Variants in PTPRG observed in about 807,000 individuals in gnomAD.
PTPRG encodes the protein protein tyrosine phosphatase receptor type G, also known as receptor-type tyrosine-protein phosphatase gamma.
In PTPRG, 102 loss-of-function variants were observed where a neutral mutation model predicts 165.3. That is an observed-to-expected ratio of 0.62 (90% confidence interval 0.53 to 0.73). The LOEUF is 0.73. PTPRG is among the 30% of genes least tolerant of loss of function. The probability of loss-of-function intolerance (pLI) is 0.00; values close to 1 mark genes in which losing one functional copy is unlikely to be tolerated. For synonymous variants in PTPRG, 675 were observed against 669.5 expected (o/e 1.01, Z -0.13); for missense variants, 1,866 against 1,861.4 (o/e 1.00, Z -0.05).
At chr3:61,682,272 A>C (rs1395667405) in intron 1 of PTPRG, among the ~76,000 whole-genome samples, 1 of 152,118 alleles carries the variant, frequency 6.6e-6, no homozygotes, top group Non-Finnish European at 1.5e-5. Flanking sequence ...GAATTTGATA[A>C]TTCTACTATG....
rs139161991 is a variant in PTPRG, at chr3:61,995,543, A to T, written c.370+5739A>T. 1.7e-3 allele frequency among the ~76,000 whole-genome samples: 253 copies of T among 152,104 alleles called. 2 individuals carry two copies. The highest frequency in any genetic ancestry group is 5.9e-3 in the African/African-American group (245 of 41,504). The stretch of plus-strand genomic sequence containing the variant: ...GCCTTTAGTAATCAAGAGATTGGTT[A>T]GGAAGTTTCTAGGAAAAGTGTGTTT... On this transcript the variant is annotated intron_variant, in intron 3 of 29. Transcript: ENST00000474889.
intron 1 of PTPRG, among the ~76,000 whole-genome samples, chr3:61,575,547 A>G (rs1298017604): frequency 6.6e-6 from 1 of 151,086 alleles, no homozygotes; most frequent in African/African-American, 2.4e-5. Context: ...CCTTGTGAAT[A>G]TTAAATGAGA....
chr3:61,673,696 C>T (rs374413591), intron 1 of PTPRG, among the ~76,000 whole-genome samples: 52 of 152,150 alleles, frequency 3.4e-4, no homozygotes, highest in African/African-American at 1.2e-3. Context: ...ATCCACCACC[C>T]GAGTAATGTA....
chr3:61,576,126 T>G (rs1168891282), intron 1 of PTPRG, among the ~76,000 whole-genome samples: 1 of 152,198 alleles, frequency 6.6e-6, no homozygotes, highest in Non-Finnish European at 1.5e-5. Context: ...TGTCATGCTT[T>G]CTTCTGTGCA....
intron 1 of PTPRG, among the ~76,000 whole-genome samples, chr3:61,589,644 A>G (rs140950141): frequency 1.3e-5 from 2 of 152,246 alleles, no homozygotes; most frequent in East Asian, 1.9e-4. Context: ...GGGTGTCAGT[A>G]TGCGTAGCTC....
intron 2 of PTPRG, among the ~76,000 whole-genome samples, chr3:61,836,943 C>G (rs910142896): frequency 1.3e-5 from 2 of 148,928 alleles, no homozygotes; most frequent in Admixed American, 1.3e-4. Flanking sequence ...TGGAGTCTTG[C>G]TCAGTCGCCC....
intron 1 of PTPRG, among the ~76,000 whole-genome samples, chr3:61,705,544 C>T (rs990712602): frequency 1.4e-4 from 21 of 152,018 alleles, no homozygotes; most frequent in Non-Finnish European, 2.1e-4. Context: ...TCGCCATCAC[C>T]GCATCAAAGA....
intron 2 of PTPRG, among the ~76,000 whole-genome samples, chr3:61,921,251 T>C (rs2039072277): frequency 1.3e-5 from 2 of 152,166 alleles, no homozygotes; most frequent in African/African-American, 4.8e-5. Flanking sequence ...TAATTTAATA[T>C]TTAAGATATT....
chr3:62,175,255 C>T (rs2106756522), intron 8 of PTPRG, among the ~76,000 whole-genome samples: 1 of 152,248 alleles, frequency 6.6e-6, no homozygotes, highest in Non-Finnish European at 1.5e-5. Flanking sequence ...ATATGTCAGA[C>T]ATTTTTTCTA....
intron 6 of PTPRG, among the ~76,000 whole-genome samples, chr3:62,142,984 G>A (rs1469409005): frequency 2.0e-5 from 3 of 152,128 alleles, no homozygotes; most frequent in East Asian, 1.9e-4. Flanking sequence ...TTGCCCCAGC[G>A]TCACATCATG....
At chr3:62,086,268 T>C (rs1321996584) in intron 5 of PTPRG, among the ~76,000 whole-genome samples, 1 of 143,898 alleles carries the variant, frequency 6.9e-6, no homozygotes, top group East Asian at 2.0e-4. Context: ...TCTATCGTGT[T>C]ATGGTTTTAA....
intron 1 of PTPRG, among the ~76,000 whole-genome samples, chr3:61,620,224 A>G (rs1251287235): frequency 1.3e-5 from 2 of 152,088 alleles, no homozygotes; most frequent in Middle Eastern, 3.2e-3. Flanking sequence ...GTTCATTTAC[A>G]TTTTGTAGCT....
intron 2 of PTPRG, among the ~76,000 whole-genome samples, chr3:61,869,747 TTTTTGTTTTGTTTTG>T (rs552364668): frequency 1.5e-4 from 22 of 151,176 alleles, no homozygotes; most frequent in Non-Finnish European, 2.8e-4. Flanking sequence ...CCTGGCTAAT[TTTTTGTTTTGTTTTG>T]TTTTGTTTTG....
At chr3:61,953,861 TTTCTGCTGCTGTACA>T (rs1328641419) in intron 2 of PTPRG, among the ~76,000 whole-genome samples, 1 of 9,658 alleles carries the variant, frequency 1.0e-4, no homozygotes, top group Non-Finnish European at 2.2e-4. Flanking sequence ...GGGAGTGTAT[TTTCTGCTGCTGTACA>T]ATCTGCTGCT....
intron 2 of PTPRG, among the ~76,000 whole-genome samples, chr3:61,829,735 G>GT (rs561797306): frequency 6.6e-6 from 1 of 152,068 alleles, no homozygotes; most frequent in Non-Finnish European, 1.5e-5. Flanking sequence ...CTTCCTTTTG[G>GT]TTTTTTTAAT....
rs1700806504 is a variant in PTPRG at position 62,228,066 on chromosome 3, T to C, written c.2289-3159T>C. 6.6e-6 allele frequency among the ~76,000 whole-genome samples: 1 copy of C among 152,080 alleles called. No homozygotes were observed. The highest frequency in any genetic ancestry group is 1.5e-5 in the Non-Finnish European group (1 of 68,024). On this transcript the variant is annotated intron_variant, in intron 13 of 29. Transcript: ENST00000474889. The surrounding 1 kb of genome is among the most constrained non-coding windows in gnomAD (Gnocchi z 4.1). Reference sequence around the variant, plus strand: ...CGCTATTCCCTGCCTGTTTGGCCCCTGTGGGTGGTTGATTTTGCATTCCCC... The same window carrying C: ...CGCTATTCCCTGCCTGTTTGGCCCCCGTGGGTGGTTGATTTTGCATTCCCC...
intron 2 of PTPRG, among the ~76,000 whole-genome samples, chr3:61,854,536 A>C (rs745382946): frequency 3.3e-5 from 5 of 152,192 alleles, no homozygotes; most frequent in Non-Finnish European, 5.9e-5. Flanking sequence ...ATACATATTC[A>C]TGGACATATG....
intron 2 of PTPRG, among the ~76,000 whole-genome samples, chr3:61,754,347 C>G (rs1405975744): frequency 6.6e-6 from 1 of 152,200 alleles, no homozygotes; most frequent in Admixed American, 6.5e-5. Flanking sequence ...GGCCTCCACC[C>G]TGGAGTAGAG....
intron 2 of PTPRG, chr3:61,750,213 G>A (rs995054069): frequency 1.3e-5 from 2 of 152,120 alleles, no homozygotes; most frequent in Non-Finnish European, 2.9e-5. Context: ...CATATATATA[G>A]CATCTTGCCA....
Sources: allele counts gnomAD v4.1 joint callset (sites outside exome capture counted in the v4.1 genomes callset), GRCh38; gene constraint gnomAD v4.1.1; non-coding constraint Gnocchi (gnomAD v3.1); transcripts MANE v1.5; gene names NCBI Gene and HGNC (gene_info 2026-07-23, HGNC 2026-07-21).